SHB: variants seen among roughly 807,000 people sequenced by gnomAD.
The protein encoded by SHB is SH2 domain containing adaptor protein B.
In SHB, 20 loss-of-function variants were observed where a neutral mutation model predicts 52.3. The ratio of observed to expected loss-of-function variants is 0.38; its 90% CI spans 0.27 to 0.56. The LOEUF is 0.56. SHB is among the 20% of genes least tolerant of loss of function. SHB has a pLI of 0.71. For missense variants in SHB, 825 were observed against 723.3 expected, an observed-to-expected ratio of 1.14 and a Z score of -1.61; for synonymous variants, 397 against 316.5, an observed-to-expected ratio of 1.25 and a Z score of -2.70.
chr9:37,992,061 T>C (rs957118391), intron 2 of SHB, among the ~76,000 whole-genome samples: 1 of 152,192 alleles, frequency 6.6e-6, no homozygotes, highest in Non-Finnish European at 1.5e-5. Context: ...ACTCCTCCCC[T>C]CCGGAGCACC....
At chr9:38,019,263 C>G (rs1000317975) in intron 1 of SHB, among the ~76,000 whole-genome samples, 4 of 152,232 alleles carry the variant, frequency 2.6e-5, no homozygotes, top group Admixed American at 1.3e-4. Context: ...ACTACAGACC[C>G]CAGGTCAGCC....
At chr9:38,003,119 C>A (rs1428016858) in intron 2 of SHB, among the ~76,000 whole-genome samples, 3 of 152,110 alleles carry the variant, frequency 2.0e-5, no homozygotes, top group African/African-American at 7.2e-5. Flanking sequence ...TGTCTAGTTT[C>A]CTCTGAGGAT....
chr9:37,916,925 T>G lies in SHB; in HGVS notation c.*2896A>C, dbSNP rs1444943415. Among the ~76,000 whole-genome samples the G allele has an allele frequency of 6.6e-6, 1 of 152,094 alleles. No individual in the cohort carries two copies. Among genetic ancestry groups the G allele is most frequent in the Non-Finnish European group, 1.5e-5 (1 of 68,022 alleles). On this transcript the variant is annotated 3_prime_UTR_variant, in exon 6 of 6. Transcript: ENST00000377707. ...AGGGAGACACAGAAACAGCCGCTAG[T>G]GCTGGAGGTTCTCAGACAAAATGCC...
At chr9:38,053,986 T>A (rs547545904) in intron 1 of SHB, among the ~76,000 whole-genome samples, 1 of 152,330 alleles carries the variant, frequency 6.6e-6, no homozygotes, top group African/African-American at 2.4e-5. Flanking sequence ...GATCAAGTAC[T>A]GAAAGTGTTA....
chr9:37,959,918 G>A (rs768715090), intron 3 of SHB, among the ~76,000 whole-genome samples: 13 of 152,046 alleles, frequency 8.6e-5, no homozygotes, highest in South Asian at 2.1e-4. Context: ...GCCCATTACC[G>A]GCAACATAAC....
Position 37,974,836 on chromosome 9 carries a change from TTC to T in SHB, c.839-1_839del. On this transcript the variant is annotated splice_acceptor_variant and coding_sequence_variant, in exon 3 of 6. Transcript: ENST00000377707. LOFTEE classifies it high-confidence loss of function. Reference sequence around the variant, plus strand: ...ACCGGACACTTTCCTGCCTCTGAAATTCTGCAGGCAAAAAGGAAGGAAGCAGA... The same window carrying T: ...ACCGGACACTTTCCTGCCTCTGAAATTGCAGGCAAAAAGGAAGGAAGCAGA... The T allele has an allele frequency of 6.2e-7, 1 of 1,613,332 alleles. No individual in the cohort carries two copies. Among genetic ancestry groups the T allele is most frequent in the Non-Finnish European group, 8.5e-7 (1 of 1,179,456 alleles).
At chr9:38,057,926 C>T (rs1821842084) in intron 1 of SHB, among the ~76,000 whole-genome samples, 1 of 152,214 alleles carries the variant, frequency 6.6e-6, no homozygotes, top group South Asian at 2.1e-4. Context: ...GAGACTTAAT[C>T]GCTGCACTGT....
At chr9:38,030,951 T>C (rs757315763) in intron 1 of SHB, among the ~76,000 whole-genome samples, 19 of 141,418 alleles carry the variant, frequency 1.3e-4, no homozygotes, top group Non-Finnish European at 2.9e-4. Context: ...AAAAAAATTA[T>C]ACAAAAAAAA....
At chr9:38,058,709 A>G (rs899565302) in intron 1 of SHB, among the ~76,000 whole-genome samples, 2 of 151,986 alleles carry the variant, frequency 1.3e-5, no homozygotes, top group African/African-American at 2.4e-5. Context: ...AGCTGCCTTC[A>G]TACCTCCTCC....
intron 1 of SHB, among the ~76,000 whole-genome samples, chr9:38,059,784 C>T (rs1564113062): frequency 6.6e-6 from 1 of 152,210 alleles, no homozygotes; most frequent in Non-Finnish European, 1.5e-5. Flanking sequence ...GGTCAACACA[C>T]ACAGCAGGTA....
At chr9:37,978,959 G>A (rs1160690859) in intron 2 of SHB, among the ~76,000 whole-genome samples, 1 of 152,216 alleles carries the variant, frequency 6.6e-6, no homozygotes, top group African/African-American at 2.4e-5. Flanking sequence ...GCCTTTCCCT[G>A]AGAAAATGCC....
chr9:38,039,211 T>C (rs970347064), intron 1 of SHB, among the ~76,000 whole-genome samples: 4 of 152,230 alleles, frequency 2.6e-5, no homozygotes, highest in Non-Finnish European at 5.9e-5. Flanking sequence ...AAGCCTCCAA[T>C]GTTATCTCCA....
intron 2 of SHB, among the ~76,000 whole-genome samples, chr9:37,989,354 G>GT (rs1164237460): frequency 6.6e-6 from 1 of 152,150 alleles, no homozygotes; most frequent in African/African-American, 2.4e-5. Context: ...CCAAATAGCA[G>GT]TTCCCTAAGA....
chr9:38,039,675 G>A (rs750407810), intron 1 of SHB, among the ~76,000 whole-genome samples: 1 of 152,238 alleles, frequency 6.6e-6, no homozygotes, highest in African/African-American at 2.4e-5. Flanking sequence ...AGTAAAACAC[G>A]TAGCAAAGGG....
intron 2 of SHB, 135 bp downstream of exon 2, chr9:38,015,876 T>C (rs777204734): frequency 1.2e-5 from 10 of 827,122 alleles, no homozygotes; most frequent in African/African-American, 1.7e-5. Flanking sequence ...TAATACAGCA[T>C]TGCTCCCACC....
intron 2 of SHB, among the ~76,000 whole-genome samples, chr9:38,001,252 T>C (rs1027300233): frequency 3.3e-5 from 5 of 152,336 alleles, no homozygotes; most frequent in Admixed American, 2.6e-4. Context: ...TGAATGGCTC[T>C]TTGGTAATCC....
rs35453970 is a variant in SHB at position 37,918,487 on chromosome 9, CTGTGTGTG to C, written c.*1326_*1333del. On this transcript the variant is annotated 3_prime_UTR_variant, in exon 6 of 6. Transcript: ENST00000377707. Reference sequence around the variant, plus strand: ...TGGAAGCAGTGTGGACCACTGAGGGCTGTGTGTGTGTGTGTGTGTGTGTGTGTAGGTGT... The same window carrying C: ...TGGAAGCAGTGTGGACCACTGAGGGCTGTGTGTGTGTGTGTGTGTAGGTGT... 2.2e-5 allele frequency among the ~76,000 whole-genome samples: 1 copy of C among 45,516 alleles called. No individual in the cohort carries two copies. The highest frequency in any genetic ancestry group is 4.0e-5 in the Non-Finnish European group (1 of 24,742). 29.9% of individuals were successfully genotyped at this position (45,516 alleles called of 152,430 possible).
chr9:37,960,901 AG>A (rs892638381), intron 3 of SHB, among the ~76,000 whole-genome samples: 1 of 152,220 alleles, frequency 6.6e-6, no homozygotes, highest in Non-Finnish European at 1.5e-5. Context: ...GGTCAAGCCC[AG>A]GACTGCAGGC....
chr9:38,040,712 G>A (rs1028747223), intron 1 of SHB, among the ~76,000 whole-genome samples: 9 of 152,188 alleles, frequency 5.9e-5, no homozygotes, highest in Non-Finnish European at 8.8e-5. Context: ...TGGCAGTCAA[G>A]AGACCAGTTT....
Sources: allele counts gnomAD v4.1 joint callset (sites outside exome capture counted in the v4.1 genomes callset), GRCh38; gene constraint gnomAD v4.1.1; transcripts MANE v1.5; gene names NCBI Gene and HGNC (gene_info 2026-07-23, HGNC 2026-07-21).